GPM6A: variants seen among roughly 807,000 people sequenced by gnomAD.
The protein encoded by GPM6A is glycoprotein M6A, also known as neuronal membrane glycoprotein M6-a.
GPM6A carries 7 observed loss-of-function variants against 32.1 expected under a neutral mutation model. The observed-to-expected ratio is 0.22, with a 90% CI of 0.12 to 0.41. The LOEUF (loss-of-function observed/expected upper bound fraction) is 0.41, where lower values mean the gene tolerates loss of function less well. GPM6A is among the 10% of genes least tolerant of loss of function. GPM6A has a pLI of 1.00. For missense variants in GPM6A, 235 were observed against 347.2 expected, an observed-to-expected ratio of 0.68 and a Z score of 2.57; for synonymous variants, 130 against 123.4, an observed-to-expected ratio of 1.05 and a Z score of -0.35.
intron 2 of GPM6A, among the ~76,000 whole-genome samples, chr4:175,689,142 T>A (rs1174993999): frequency 6.6e-6 from 1 of 152,222 alleles, no homozygotes; most frequent in Admixed American, 6.5e-5. Flanking sequence ...AGTGAAGAAG[T>A]GTGAAGTTTC....
intron 4 of GPM6A, among the ~76,000 whole-genome samples, chr4:175,644,527 T>G (rs1741344459): frequency 6.6e-6 from 1 of 151,812 alleles, no homozygotes; most frequent in African/African-American, 2.4e-5. Context: ...TATTAAAAAT[T>G]AACTGTAGTT....
At chr4:175,934,575 A>G (rs924296495) in intron 1 of GPM6A, among the ~76,000 whole-genome samples, 1 of 152,172 alleles carries the variant, frequency 6.6e-6, no homozygotes, top group Admixed American at 6.5e-5. Context: ...ACTAAAATGT[A>G]TTTTGTTCCA....
rs1740428953 is a variant in GPM6A, at chr4:175,633,776, T to C, written c.*1129A>G. The stretch of plus-strand genomic sequence containing the variant: ...TGAAATAAAAACACAAATATATCAC[T>C]ACACTTTCAAACAATACATTCTATA... On this transcript the variant is annotated 3_prime_UTR_variant, in exon 7 of 7. Transcript: ENST00000393658. 1 of 152,484 alleles carries C rather than the reference T, an allele frequency of 6.6e-6. No individual in the cohort carries two copies. The highest frequency in any genetic ancestry group is 2.4e-5 in the African/African-American group (1 of 41,426). 9.4% of individuals were successfully genotyped at this position (152,484 alleles called of 1,614,324 possible).
At chr4:175,877,343 T>C (rs113880951) in intron 1 of GPM6A, among the ~76,000 whole-genome samples, 3 of 152,322 alleles carry the variant, frequency 2.0e-5, no homozygotes, top group African/African-American at 7.2e-5. Context: ...TACAGTGTTC[T>C]AGACTCAAAG....
intron 1 of GPM6A, among the ~76,000 whole-genome samples, chr4:175,741,129 A>C (rs943968789): frequency 2.0e-5 from 3 of 152,082 alleles, no homozygotes; most frequent in African/African-American, 7.2e-5. Flanking sequence ...GCATAATAAA[A>C]AATGACTTAT....
At chr4:175,904,390 T>C (rs890629076) in intron 1 of GPM6A, among the ~76,000 whole-genome samples, 2 of 152,208 alleles carry the variant, frequency 1.3e-5, no homozygotes, top group Non-Finnish European at 2.9e-5. Context: ...CTTTGAGTGA[T>C]ATTTTACAGA....
intron 1 of GPM6A, among the ~76,000 whole-genome samples, chr4:175,828,267 T>TAAA (rs1735498363): frequency 6.6e-6 from 1 of 152,202 alleles, no homozygotes; most frequent in South Asian, 2.1e-4. Flanking sequence ...GAAGGCAAGA[T>TAAA]ACAGCCTGCT....
chr4:175,839,977 T>A (rs1181049509), intron 1 of GPM6A, among the ~76,000 whole-genome samples: 1 of 152,208 alleles, frequency 6.6e-6, no homozygotes, highest in African/African-American at 2.4e-5. Context: ...CAATGTAACT[T>A]ACGTCTAAAG....
chr4:175,933,840 G>C (rs918748663), intron 1 of GPM6A, among the ~76,000 whole-genome samples: 1 of 152,064 alleles, frequency 6.6e-6, no homozygotes, highest in African/African-American at 2.4e-5. Context: ...CACTGCGCCC[G>C]GCCAGAAGTT....
At chr4:175,872,126 T>C (rs1736929595) in intron 1 of GPM6A, among the ~76,000 whole-genome samples, 1 of 152,216 alleles carries the variant, frequency 6.6e-6, no homozygotes. Flanking sequence ...AAGCCAGCAT[T>C]TGAAATCAAT....
At chr4:175,903,869 C>A (rs192175199) in intron 1 of GPM6A, among the ~76,000 whole-genome samples, 2 of 152,082 alleles carry the variant, frequency 1.3e-5, no homozygotes, top group Non-Finnish European at 2.9e-5. Context: ...CCAGCCAAAG[C>A]GAATATGGAC....
chr4:175,665,314 A>AC (rs577825836), intron 3 of GPM6A, among the ~76,000 whole-genome samples: 54 of 152,298 alleles, frequency 3.5e-4, no homozygotes, highest in Non-Finnish European at 6.2e-4. Context: ...TTCTGACTAT[A>AC]CTAGGGACTC....
At chr4:175,731,759 G>T (rs1731443849) in intron 1 of GPM6A, among the ~76,000 whole-genome samples, 2 of 152,118 alleles carry the variant, frequency 1.3e-5, no homozygotes, top group Non-Finnish European at 2.9e-5. Context: ...CGATAGCCTA[G>T]TCCTAGCAAT....
chr4:175,890,919 T>A (rs1287741616), intron 1 of GPM6A, among the ~76,000 whole-genome samples: 1 of 152,106 alleles, frequency 6.6e-6, no homozygotes, highest in Non-Finnish European at 1.5e-5. Flanking sequence ...AACATTTATA[T>A]ACATTTAAAC....
chr4:175,962,357 A>G, intron 1 of GPM6A: 1 of 786,648 alleles, frequency 1.3e-6, no homozygotes, highest in Middle Eastern at 3.8e-4. Context: ...AGACTCCTTC[A>G]TCTAGCTCCC....
intron 1 of GPM6A, among the ~76,000 whole-genome samples, chr4:175,865,771 T>C (rs1736714923): frequency 6.6e-6 from 1 of 152,198 alleles, no homozygotes; most frequent in Non-Finnish European, 1.5e-5. Flanking sequence ...TTTTGTCTAT[T>C]CTGCTGAGGA....
intron 1 of GPM6A, among the ~76,000 whole-genome samples, chr4:175,784,130 T>G (rs528260263): frequency 6.6e-6 from 1 of 152,274 alleles, no homozygotes; most frequent in South Asian, 2.1e-4. Context: ...TATGTGCTTC[T>G]GGATATGAAG....
In GPM6A at chr4:175,634,131, A is replaced by T. The variant is rs1049835; in HGVS notation, c.*774T>A. ...AGTTATTTCCATTAAAATTGTCTCT[A>T]TATACTAAACTTTAAAAGGTAAGCC... On this transcript the variant is annotated 3_prime_UTR_variant, in exon 7 of 7. Transcript: ENST00000393658. The T allele has an allele frequency of 6.6e-6, 1 of 152,318 alleles. No homozygotes were observed. The highest frequency in any genetic ancestry group is 2.4e-5 in the African/African-American group (1 of 41,402). 9.4% of individuals were successfully genotyped at this position (152,318 alleles called of 1,614,324 possible). A position where few individuals can be genotyped will look rare whatever the true frequency, so the allele number is the denominator to read the frequency against.
chr4:175,959,200 C>A (rs10520320), intron 1 of GPM6A, among the ~76,000 whole-genome samples: 1 of 151,996 alleles, frequency 6.6e-6, no homozygotes, highest in Non-Finnish European at 1.5e-5. Context: ...TCCTCAAAAT[C>A]GCTGGGTAGA....
Sources: gnomAD v4.1 joint callset for allele counts (sites outside exome capture counted in the v4.1 genomes callset) on GRCh38, gnomAD v4.1.1 for gene constraint, MANE v1.5 for transcripts, NCBI Gene and HGNC (gene_info 2026-07-23, HGNC 2026-07-21) for gene names.